MACROD2: variants seen among roughly 807,000 people sequenced by gnomAD.
MACROD2 encodes the protein ADP-ribose glycohydrolase MACROD2.
In MACROD2, 36 loss-of-function variants were observed where a neutral mutation model predicts 70.4. That is an observed-to-expected ratio of 0.51 (90% confidence interval 0.39 to 0.68). The LOEUF is 0.68. Among genes scored for constraint, MACROD2 ranks in the 30% least tolerant of loss-of-function variants. MACROD2 has a pLI of 0.00. For synonymous variants in MACROD2, 172 were observed against 178.8 expected, an observed-to-expected ratio of 0.96 and a Z score of 0.30; for missense variants, 496 against 538.4, an observed-to-expected ratio of 0.92 and a Z score of 0.78.
intron 1 of MACROD2, among the ~76,000 whole-genome samples, chr20:13,997,476 T>C (rs1227747069): frequency 3.9e-5 from 6 of 152,220 alleles, no homozygotes; most frequent in Non-Finnish European, 8.8e-5. Context: ...ACATGAATCA[T>C]TGATGAAATT....
intron 5 of MACROD2, among the ~76,000 whole-genome samples, chr20:15,153,889 C>T (rs892679215): frequency 6.6e-6 from 1 of 152,040 alleles, no homozygotes; most frequent in African/African-American, 2.4e-5. Flanking sequence ...GTGTATTTTT[C>T]CAGAAGGATT....
chr20:14,990,786 AC>A (rs1326825561), intron 5 of MACROD2, among the ~76,000 whole-genome samples: 1 of 152,148 alleles, frequency 6.6e-6, no homozygotes, highest in Non-Finnish European at 1.5e-5. Flanking sequence ...TGCTGGGATT[AC>A]AGGTGTGAGC....
chr20:15,662,557 G>C (rs1305764796), intron 8 of MACROD2, among the ~76,000 whole-genome samples: 2 of 151,984 alleles, frequency 1.3e-5, no homozygotes, highest in Non-Finnish European at 2.9e-5. Flanking sequence ...TCAGAGGGGA[G>C]AAAATGCTAC....
chr20:14,453,268 C>T (rs1398602384), intron 3 of MACROD2, among the ~76,000 whole-genome samples: 2 of 152,138 alleles, frequency 1.3e-5, no homozygotes. Context: ...TGGTTCCCCT[C>T]TGATGTGTGT....
In MACROD2 at chr20:15,292,619, C is replaced by G. The variant is rs189290607; in HGVS notation, c.540+62558C>G. Among the ~76,000 whole-genome samples the G allele has an allele frequency of 1.0e-3, 154 of 152,272 alleles. 3 individuals carry two copies. Among genetic ancestry groups the G allele is most frequent in the Non-Finnish European group, 1.5e-4 (10 of 68,024 alleles). ...TGGCTCAGAGTCGAAGTGCTGACTTCTAATTCATGATGAAAATGCTAACTG... is the reference window on the plus strand; with the variant it reads ...TGGCTCAGAGTCGAAGTGCTGACTTGTAATTCATGATGAAAATGCTAACTG... On this transcript the variant is annotated intron_variant, in intron 6 of 17. Coordinates refer to ENST00000684519, the MANE Select transcript of MACROD2 (RefSeq NM_001351661.2).
chr20:14,994,690 A>G (rs1469182202), intron 5 of MACROD2, among the ~76,000 whole-genome samples: 1 of 152,178 alleles, frequency 6.6e-6, no homozygotes, highest in Non-Finnish European at 1.5e-5. Context: ...GCACACCAAT[A>G]TCTCTCACTG....
At chr20:14,642,294 G>T (rs539655075) in intron 4 of MACROD2, among the ~76,000 whole-genome samples, 3 of 152,212 alleles carry the variant, frequency 2.0e-5, no homozygotes, top group African/African-American at 7.2e-5. Flanking sequence ...GAATGTTGTG[G>T]CAGGTTTGAT....
chr20:15,080,102 A>G (rs1022018710), intron 5 of MACROD2, among the ~76,000 whole-genome samples: 5 of 148,836 alleles, frequency 3.4e-5, no homozygotes, highest in African/African-American at 5.0e-5. Context: ...TTCCATCTTC[A>G]AAACAGAACA....
intron 8 of MACROD2, among the ~76,000 whole-genome samples, chr20:15,672,052 G>C (rs559472523): frequency 3.2e-4 from 48 of 152,256 alleles, no homozygotes; most frequent in African/African-American, 1.1e-3. Flanking sequence ...AGGATGCTGA[G>C]AAGGATCCAG....
At chr20:15,249,747 T>TG (rs2077138338) in intron 6 of MACROD2, among the ~76,000 whole-genome samples, 1 of 152,244 alleles carries the variant, frequency 6.6e-6, no homozygotes, top group African/African-American at 2.4e-5. Flanking sequence ...TCATGACTAT[T>TG]GCTGTGATTA....
At chr20:15,058,744 CT>C (rs890008496) in intron 5 of MACROD2, among the ~76,000 whole-genome samples, 4 of 152,144 alleles carry the variant, frequency 2.6e-5, no homozygotes, top group Non-Finnish European at 5.9e-5. Context: ...ATGTTATAAA[CT>C]TTTCCTTCTT....
At chr20:15,593,070 A>G (rs451214) in intron 8 of MACROD2, among the ~76,000 whole-genome samples, 127,565 of 152,158 alleles carry the variant, frequency 0.84, 53,528 homozygotes, top group Admixed American at 0.88. Flanking sequence ...CCCGGGCTGC[A>G]ATGATAATTG....
intron 5 of MACROD2, among the ~76,000 whole-genome samples, chr20:14,859,052 A>G (rs1433450187): frequency 6.6e-6 from 1 of 152,052 alleles, no homozygotes; most frequent in Non-Finnish European, 1.5e-5. Context: ...TGAGAATGAT[A>G]TAATGGACTC....
Position 16,049,820 on chromosome 20 carries a change from T to A in MACROD2, c.1301-10T>A. 1 of 1,613,388 alleles carries A rather than the reference T, an allele frequency of 6.2e-7. No homozygotes were observed. The highest frequency in any genetic ancestry group is 8.5e-7 in the Non-Finnish European group (1 of 1,179,570). On this transcript the variant is annotated splice_polypyrimidine_tract_variant and intron_variant, in intron 17 of 17. Transcript: ENST00000684519. Reference sequence around the variant, plus strand: ...CTTTAATCTAACAAATGGCTTCTCTTTGTCTTCAGCAGGGGCACAAGATGA... The same window carrying A: ...CTTTAATCTAACAAATGGCTTCTCTATGTCTTCAGCAGGGGCACAAGATGA...
chr20:15,417,462 C>T (rs966621175), intron 6 of MACROD2, among the ~76,000 whole-genome samples: 2 of 151,352 alleles, frequency 1.3e-5, no homozygotes, highest in Non-Finnish European at 2.9e-5. Context: ...GATGGGTATG[C>T]TGGTGCGTGC....
intron 5 of MACROD2, among the ~76,000 whole-genome samples, chr20:14,765,517 C>T (rs1228196038): frequency 6.6e-6 from 1 of 152,014 alleles, no homozygotes; most frequent in South Asian, 2.1e-4. Context: ...CCATAGGTAG[C>T]CAAGTCAGTG....
chr20:14,253,649 T>C (rs2082029768), intron 3 of MACROD2, among the ~76,000 whole-genome samples: 1 of 152,118 alleles, frequency 6.6e-6, no homozygotes, highest in Admixed American at 6.6e-5. Flanking sequence ...TGAAATCAAG[T>C]ACAATGCTTT....
At chr20:15,688,956 G>A (rs916043565) in intron 8 of MACROD2, among the ~76,000 whole-genome samples, 14 of 152,176 alleles carry the variant, frequency 9.2e-5, no homozygotes, top group African/African-American at 3.1e-4. Context: ...AGTATTTATT[G>A]CTCACTTAAC....
At chr20:14,059,073 T>A (rs1370271803) in intron 2 of MACROD2, among the ~76,000 whole-genome samples, 1 of 152,218 alleles carries the variant, frequency 6.6e-6, no homozygotes, top group Non-Finnish European at 1.5e-5. Context: ...TGAAAACTAT[T>A]TCTATGTTTT....
Sources: gnomAD v4.1 joint callset for allele counts (sites outside exome capture counted in the v4.1 genomes callset) on GRCh38, gnomAD v4.1.1 for gene constraint, MANE v1.5 for transcripts, NCBI Gene and HGNC (gene_info 2026-07-23, HGNC 2026-07-21) for gene names.